The following MSRA variants were observed in gnomAD, a reference collection of about 807,000 sequenced individuals.
The protein encoded by MSRA is mitochondrial peptide methionine sulfoxide reductase.
In MSRA, 54 loss-of-function variants were observed where a neutral mutation model predicts 31.3. The ratio of observed to expected loss-of-function variants is 1.73; its 90% CI spans 1.39 to 2.17. MSRA has a LOEUF of 2.17. Among genes scored for constraint, MSRA ranks in the 30% most tolerant of loss-of-function variants. The probability of loss-of-function intolerance (pLI) is 0.00; values close to 1 mark genes in which losing one functional copy is unlikely to be tolerated. For synonymous variants in MSRA, 169 were observed against 116.5 expected (o/e 1.45, Z -2.90); for missense variants, 507 against 300.9 (o/e 1.69, Z -5.07).
intron 1 of MSRA, among the ~76,000 whole-genome samples, chr8:10,156,170 C>G (rs182357739): frequency 6.6e-6 from 1 of 152,178 alleles, no homozygotes; most frequent in Admixed American, 6.5e-5. Context: ...GCAGAAATAA[C>G]AGCCAATTGC....
intron 5 of MSRA, among the ~76,000 whole-genome samples, chr8:10,402,453 G>C (rs918958451): frequency 6.6e-6 from 1 of 152,190 alleles, no homozygotes; most frequent in Non-Finnish European, 1.5e-5. Context: ...CTCACCCACA[G>C]TTTTCCCTGG....
At chr8:10,183,860 T>G (rs1806773792) in intron 1 of MSRA, among the ~76,000 whole-genome samples, 1 of 150,660 alleles carries the variant, frequency 6.6e-6, no homozygotes, top group African/African-American at 2.5e-5. Flanking sequence ...GTGTTGACAG[T>G]AGTGTTGTTG....
chr8:10,079,871 A>G (rs1444939566), intron 1 of MSRA, among the ~76,000 whole-genome samples: 1 of 152,166 alleles, frequency 6.6e-6, no homozygotes, highest in Non-Finnish European at 1.5e-5. Context: ...TGAGCTATTT[A>G]CCTAACTTCT....
At chr8:10,165,707 G>A (rs562480754) in intron 1 of MSRA, among the ~76,000 whole-genome samples, 1 of 152,176 alleles carries the variant, frequency 6.6e-6, no homozygotes, top group East Asian at 1.9e-4. Flanking sequence ...GAGTATACAC[G>A]TGGACATTGT....
At chr8:10,056,198 CAAAAA>C (rs35457688) in intron 1 of MSRA, among the ~76,000 whole-genome samples, 3 of 91,020 alleles carry the variant, frequency 3.3e-5, no homozygotes, top group African/African-American at 4.4e-5. Context: ...TCCCATACAC[CAAAAA>C]AAAAAAAAAA....
intron 1 of MSRA, among the ~76,000 whole-genome samples, chr8:10,180,982 G>T (rs748232948): frequency 1.3e-5 from 2 of 152,110 alleles, no homozygotes; most frequent in Non-Finnish European, 2.9e-5. Context: ...AACGTTCCAT[G>T]CTAGTCTTCG....
At chr8:10,166,097 G>T (rs1805096965) in intron 1 of MSRA, among the ~76,000 whole-genome samples, 1 of 152,150 alleles carries the variant, frequency 6.6e-6, no homozygotes, top group Non-Finnish European at 1.5e-5. Flanking sequence ...TAAGGTCAAA[G>T]GTGTGTGAGC....
At chr8:10,338,871 G>A (rs1172056454) in intron 5 of MSRA, among the ~76,000 whole-genome samples, 1 of 152,154 alleles carries the variant, frequency 6.6e-6, no homozygotes, top group African/African-American at 2.4e-5. Flanking sequence ...GTGTTTTTGA[G>A]GCTCTAGGGA....
chr8:10,180,537 G>A (rs996802009), intron 1 of MSRA, among the ~76,000 whole-genome samples: 1 of 152,114 alleles, frequency 6.6e-6, no homozygotes, highest in African/African-American at 2.4e-5. Context: ...GTTCCTCCGG[G>A]AGCCAGTCCC....
chr8:10,317,245 C>G (rs1440135766), intron 4 of MSRA, among the ~76,000 whole-genome samples: 2 of 152,184 alleles, frequency 1.3e-5, no homozygotes, highest in East Asian at 3.9e-4. Context: ...AAAGTGATCA[C>G]CTAGCAACAA....
At chr8:10,255,814 C>A (rs1585288295) in intron 3 of MSRA, among the ~76,000 whole-genome samples, 1 of 150,118 alleles carries the variant, frequency 6.7e-6, no homozygotes, top group Non-Finnish European at 1.5e-5. Flanking sequence ...TTTTAAAAAA[C>A]AAGTTTTAAT....
At chr8:10,084,833 C>A (rs1284348824) in intron 1 of MSRA, among the ~76,000 whole-genome samples, 2 of 152,154 alleles carry the variant, frequency 1.3e-5, no homozygotes, top group Non-Finnish European at 2.9e-5. Flanking sequence ...ATCTTCAGTA[C>A]TTGCTATCGT....
At chr8:10,426,239 G>C (rs1809154195) in intron 5 of MSRA, among the ~76,000 whole-genome samples, 1 of 152,170 alleles carries the variant, frequency 6.6e-6, no homozygotes, top group South Asian at 2.1e-4. Flanking sequence ...GGAGCCAAAT[G>C]CTGTGTGAGC....
chr8:10,371,798 G>A (rs1350160171), intron 5 of MSRA, among the ~76,000 whole-genome samples: 2 of 152,136 alleles, frequency 1.3e-5, no homozygotes, highest in South Asian at 2.1e-4. Flanking sequence ...GGACTGTGGC[G>A]CATCCATCTT....
chr8:10,251,474 A>G (rs956443042), intron 3 of MSRA, among the ~76,000 whole-genome samples: 3 of 152,184 alleles, frequency 2.0e-5, no homozygotes, highest in South Asian at 2.1e-4. Flanking sequence ...TGAAAATGCA[A>G]GAATTCTGGT....
intron 3 of MSRA, among the ~76,000 whole-genome samples, chr8:10,255,048 A>C (rs76998613): frequency 0.071 from 10,775 of 152,300 alleles, 537 homozygotes; most frequent in African/African-American, 0.14. Context: ...ACAGTGTGCA[A>C]GATGCTGTGA....
At chr8:10,424,635 G>T (rs1328918162) in intron 5 of MSRA, among the ~76,000 whole-genome samples, 2 of 150,244 alleles carry the variant, frequency 1.3e-5, no homozygotes, top group African/African-American at 2.5e-5. Context: ...TCAGGGAGAA[G>T]GGTCTGCGGC....
intron 5 of MSRA, among the ~76,000 whole-genome samples, chr8:10,324,589 A>G (rs868247473): frequency 6.6e-6 from 1 of 152,172 alleles, no homozygotes; most frequent in African/African-American, 2.4e-5. Flanking sequence ...CTGGTGAGCA[A>G]TAGAGCTAAG....
chr8:10,302,478 T>C (rs937047712), intron 4 of MSRA, among the ~76,000 whole-genome samples: 2 of 152,220 alleles, frequency 1.3e-5, no homozygotes, highest in East Asian at 1.9e-4. Flanking sequence ...GATTTTTGTG[T>C]AGTGGATATG....
Sources: allele counts gnomAD v4.1 joint callset (sites outside exome capture counted in the v4.1 genomes callset), GRCh38; gene constraint gnomAD v4.1.1; transcripts MANE v1.5; gene names NCBI Gene and HGNC (gene_info 2026-07-23, HGNC 2026-07-21).